The following HMCN1 variants were observed in gnomAD, a reference collection of about 807,000 sequenced individuals.
HMCN1 encodes hemicentin 1, also known as hemicentin-1.
Under a neutral mutation model 625.9 loss-of-function variants are expected in HMCN1, and 321 were observed. That is an observed-to-expected ratio of 0.51 (90% CI 0.47 to 0.56). The LOEUF (loss-of-function observed/expected upper bound fraction) is 0.56, where lower values mean the gene tolerates loss of function less well. HMCN1 is among the 20% of genes least tolerant of loss of function. The probability of loss-of-function intolerance (pLI) is 0.00; values close to 1 mark genes in which losing one functional copy is unlikely to be tolerated. For synonymous variants in HMCN1, 2,425 were observed against 2,417.6 expected, an observed-to-expected ratio of 1.00 and a Z score of -0.09; for missense variants, 6,588 against 6,887.3, an observed-to-expected ratio of 0.96 and a Z score of 1.54.
chr1:186,070,318 G>T (rs992321613), intron 51 of HMCN1, among the ~76,000 whole-genome samples: 1 of 152,168 alleles, frequency 6.6e-6, no homozygotes, highest in African/African-American at 2.4e-5. Flanking sequence ...ACATTTTAAG[G>T]ATCATGTTCA....
chr1:185,806,284 G>A (rs902420294), intron 1 of HMCN1, among the ~76,000 whole-genome samples: 1 of 152,002 alleles, frequency 6.6e-6, no homozygotes, highest in Non-Finnish European at 1.5e-5. Context: ...TCAGACTCTG[G>A]AGCCCACATT....
At position 186,044,654 on chromosome 1, in the gene HMCN1, A is replaced by C. The variant is rs184289080; in HGVS notation, c.6305-1034A>C. Among the ~76,000 whole-genome samples, 787 of 152,280 alleles carry C rather than the reference A, an allele frequency of 5.2e-3. 3 individuals carry two copies. Among genetic ancestry groups the C allele is most frequent in the Non-Finnish European group, 9.6e-3 (650 of 68,002 alleles). ...ACAACTTAACCTTTTTTTGTAACTA[A>C]AAAAATGCTACAAATATGGCAAATT... On this transcript the variant is annotated intron_variant, in intron 40 of 106. Transcript: ENST00000271588.
At chr1:186,189,022 T>C (rs1038757635) in intron 106 of HMCN1, among the ~76,000 whole-genome samples, 2 of 152,126 alleles carry the variant, frequency 1.3e-5, no homozygotes, top group Non-Finnish European at 2.9e-5. Context: ...TGAACGACAA[T>C]TACAAAAGAA....
chr1:186,166,712 G>A, intron 99 of HMCN1, 96 bp from the exon 100 acceptor site: 2 of 1,559,040 alleles, frequency 1.3e-6, no homozygotes, highest in Non-Finnish European at 8.8e-7. Flanking sequence ...CTAGTTTCAA[G>A]GGTCCTTCAC....
intron 4 of HMCN1, among the ~76,000 whole-genome samples, chr1:185,875,592 G>GT (rs1663878041): frequency 6.6e-6 from 1 of 151,932 alleles, no homozygotes; most frequent in Non-Finnish European, 1.5e-5. Flanking sequence ...ATTTCCTTGT[G>GT]TAAAATTTGA....
intron 41 of HMCN1, 58 bp downstream of exon 41, chr1:186,045,921 A>G (rs1249982419): frequency 1.6e-6 from 2 of 1,261,908 alleles, no homozygotes; most frequent in East Asian, 2.3e-5. Flanking sequence ...TGGTTTTGGT[A>G]TTACCCTATT....
Position 185,906,357 on chromosome 1 carries a change from A to T in HMCN1, c.622-2980A>T, listed in dbSNP as rs551672926. On this transcript the variant is annotated intron_variant, in intron 4 of 106. Coordinates refer to ENST00000271588, the MANE Select transcript of HMCN1 (RefSeq NM_031935.3). ...GTCTTTCCCAACAAGTAATATTATG[A>T]TACATGGTAATCCCTTTGTGAAAGC... is the stretch of plus-strand genomic sequence containing the variant. 5.9e-5 allele frequency among the ~76,000 whole-genome samples: 9 copies of T among 151,986 alleles called. No homozygotes were observed. In the South Asian group the frequency reaches 1.7e-3, roughly 28 times the overall value.
At chr1:186,084,056 A>G (rs1659328580) in intron 57 of HMCN1, among the ~76,000 whole-genome samples, 1 of 152,154 alleles carries the variant, frequency 6.6e-6, no homozygotes, top group Non-Finnish European at 1.5e-5. Context: ...GCTCAAGGCA[A>G]AATTCATTTT....
At chr1:186,182,034 AT>A in intron 104 of HMCN1, 133 bp from the exon 105 acceptor site, 2 of 944,090 alleles carry the variant, frequency 2.1e-6, no homozygotes, top group Non-Finnish European at 3.4e-6. Flanking sequence ...AGCTCTGAGC[AT>A]TTTTTAACAC....
In HMCN1 at chr1:186,001,544, T is replaced by C. The variant is rs377255190; in HGVS notation, c.4201-50T>C. The stretch of plus-strand genomic sequence containing the variant: ...AACATTCTACTTCAATTTTTAATTA[T>C]GCATTTTTATTAGGATTGGAAATAA... On this transcript the variant is annotated intron_variant, in intron 27 of 106. Transcript: ENST00000271588. 33 of 1,607,756 alleles carry C rather than the reference T, an allele frequency of 2.1e-5. No individual in the cohort carries two copies. The African/African-American group carries it at 4.1e-4, about 20-fold the overall frequency.
chr1:186,152,715 T>G (rs763291814), intron 95 of HMCN1, 35 bp from the exon 96 acceptor site: 1 of 1,612,770 alleles, frequency 6.2e-7, no homozygotes, highest in Non-Finnish European at 8.5e-7. Context: ...AACCATATTT[T>G]TTTGCTGTCA....
chr1:185,755,119 A>C (rs986419751), intron 1 of HMCN1, among the ~76,000 whole-genome samples: 1 of 152,154 alleles, frequency 6.6e-6, no homozygotes, highest in Non-Finnish European at 1.5e-5. Context: ...CATATTTCTA[A>C]TTATTTTTAT....
At chr1:185,781,160 T>C (rs1224284175) in intron 1 of HMCN1, among the ~76,000 whole-genome samples, 1 of 152,250 alleles carries the variant, frequency 6.6e-6, no homozygotes, top group Non-Finnish European at 1.5e-5. Flanking sequence ...TATTCTCTGA[T>C]GGTAGTTTGT....
intron 14 of HMCN1, 134 bp downstream of exon 14, chr1:185,966,049 C>T: frequency 4.4e-6 from 3 of 684,750 alleles, no homozygotes; most frequent in Admixed American, 2.2e-5. Context: ...TCACTGGAGA[C>T]AATAGTTCAA....
rs775273808 is a variant in HMCN1, at chr1:186,041,154, T to A, written c.6304+18T>A. On this transcript the variant is annotated intron_variant, in intron 40 of 106. Coordinates refer to ENST00000271588, the MANE Select transcript of HMCN1 (RefSeq NM_031935.3). ...AGTATATGGTGAGACATTTTAGTAA[T>A]TAATTCTCTTCTGGTAGAGATATGT... The A allele has an allele frequency of 1.2e-6, 2 of 1,607,700 alleles. No individual in the cohort carries two copies. Among genetic ancestry groups the A allele is most frequent in the South Asian group, 2.2e-5 (2 of 90,958 alleles).
At chr1:185,991,711 T>TA (rs1343188132) in intron 22 of HMCN1, among the ~76,000 whole-genome samples, 3 of 150,358 alleles carry the variant, frequency 2.0e-5, no homozygotes, top group African/African-American at 7.5e-5. Context: ...ATTCTTTTTT[T>TA]TAAAAAAAAA....
chr1:185,847,285 C>T (rs1184884330), intron 2 of HMCN1, among the ~76,000 whole-genome samples: 2 of 152,166 alleles, frequency 1.3e-5, no homozygotes, highest in Non-Finnish European at 2.9e-5. Flanking sequence ...CACAACATGA[C>T]ACTTTGAGTC....
chr1:186,030,869 A>G (rs190952872), intron 36 of HMCN1, among the ~76,000 whole-genome samples: 7 of 151,942 alleles, frequency 4.6e-5, no homozygotes, highest in African/African-American at 1.4e-4. Context: ...TATAATTAGA[A>G]TCTTAATAAT....
chr1:185,913,071 T>C (rs1666517483), intron 6 of HMCN1, among the ~76,000 whole-genome samples: 1 of 152,212 alleles, frequency 6.6e-6, no homozygotes, highest in African/African-American at 2.4e-5. Flanking sequence ...AATGAATGTT[T>C]ACCTTGTAAC....
Sources: allele counts gnomAD v4.1 joint callset (sites outside exome capture counted in the v4.1 genomes callset), GRCh38; gene constraint gnomAD v4.1.1; transcripts MANE v1.5; gene names NCBI Gene and HGNC (gene_info 2026-07-23, HGNC 2026-07-21).